The following MIPOL1 variants were observed in gnomAD, a reference collection of about 807,000 sequenced individuals.
MIPOL1 encodes the protein mirror-image polydactyly 1.
Under a neutral mutation model 60.9 loss-of-function variants are expected in MIPOL1, and 57 were observed. The ratio of observed to expected loss-of-function variants is 0.94; its 90% CI spans 0.76 to 1.17. The LOEUF is 1.17. Among genes scored for constraint, MIPOL1 ranks in the 50% most tolerant of loss-of-function variants. The pLI, the probability that MIPOL1 is intolerant of heterozygous loss-of-function variation, is 0.00. For synonymous variants in MIPOL1, 179 were observed against 168.8 expected (o/e 1.06, Z -0.47); for missense variants, 551 against 511.6 (o/e 1.08, Z -0.74).
In MIPOL1 at chr14:37,349,239, C is replaced by G. The variant is rs180860640; in HGVS notation, c.829-20278C>G. On this transcript the variant is annotated intron_variant, in intron 9 of 12. Coordinates refer to ENST00000684589, the MANE Select transcript of MIPOL1 (RefSeq NM_001388067.1). ...CTGACCTCAGGTGATCCACCCACCTCGGCCTCCCAAAGTGCTGAGATAACG... is the reference window on the plus strand; with the variant it reads ...CTGACCTCAGGTGATCCACCCACCTGGGCCTCCCAAAGTGCTGAGATAACG... 5.8e-3 allele frequency among the ~76,000 whole-genome samples: 889 copies of G among 152,140 alleles called. 12 individuals are homozygous for G. Among genetic ancestry groups the G allele is most frequent in the African/African-American group, 0.02 (822 of 41,506 alleles).
chr14:37,243,519 CAG>C (rs1353761404), intron 1 of MIPOL1, among the ~76,000 whole-genome samples: 1 of 151,822 alleles, frequency 6.6e-6, no homozygotes, highest in Non-Finnish European at 1.5e-5. Context: ...ATACAAAATT[CAG>C]AGTTTTTCTA....
intron 6 of MIPOL1, among the ~76,000 whole-genome samples, chr14:37,283,141 C>T (rs2153407713): frequency 6.6e-6 from 1 of 152,218 alleles, no homozygotes; most frequent in East Asian, 1.9e-4. Context: ...TCTCTACTCA[C>T]TGCAACCTCC....
chr14:37,351,247 T>G (rs1312730982), intron 9 of MIPOL1, among the ~76,000 whole-genome samples: 1 of 147,782 alleles, frequency 6.8e-6, no homozygotes, highest in Middle Eastern at 3.2e-3. Flanking sequence ...CTCATTCTTT[T>G]TTATGGCTGC....
chr14:37,474,562 G>T (rs532787020), intron 11 of MIPOL1, among the ~76,000 whole-genome samples: 6 of 152,294 alleles, frequency 3.9e-5, no homozygotes, highest in Non-Finnish European at 7.4e-5. Context: ...CCATGATTAT[G>T]AGGTCTCCCT....
At chr14:37,361,680 A>G (rs570164520) in intron 9 of MIPOL1, among the ~76,000 whole-genome samples, 2 of 124,578 alleles carry the variant, frequency 1.6e-5, no homozygotes, top group East Asian at 4.8e-4. Context: ...ATTTCGGCCC[A>G]ATGCAAGCTC....
chr14:37,339,199 C>A (rs563027999), intron 9 of MIPOL1, among the ~76,000 whole-genome samples: 7 of 152,254 alleles, frequency 4.6e-5, no homozygotes, highest in African/African-American at 1.7e-4. Flanking sequence ...CATCCAATGA[C>A]AACCTGAAAA....
At chr14:37,411,439 C>T (rs536198748) in intron 10 of MIPOL1, among the ~76,000 whole-genome samples, 5 of 152,200 alleles carry the variant, frequency 3.3e-5, no homozygotes, top group Admixed American at 6.5e-5. Context: ...ACAGGACAAG[C>T]GTATTGAAAA....
downstream of MIPOL1, chr14:37,551,543 TAGAA>T (rs1466189351): frequency 7.9e-5 from 12 of 152,078 alleles, no homozygotes; most frequent in Non-Finnish European, 8.8e-5. Context: ...TGAATATGGT[TAGAA>T]AGAACATAAG....
At chr14:37,423,608 T>C (rs1393276336) in intron 11 of MIPOL1, 2 of 151,980 alleles carry the variant, frequency 1.3e-5, no homozygotes, top group Non-Finnish European at 2.9e-5. Flanking sequence ...GTAGAAAACA[T>C]TGAAAAAACA....
intron 12 of MIPOL1, chr14:37,545,847 A>G: frequency 2.4e-6 from 1 of 418,920 alleles, no homozygotes; most frequent in Non-Finnish European, 4.3e-6. Context: ...GAGGACCCTC[A>G]TGCATGGATC....
At chr14:37,300,173 G>A (rs1402224332) in intron 7 of MIPOL1, among the ~76,000 whole-genome samples, 1 of 150,662 alleles carries the variant, frequency 6.6e-6, no homozygotes, top group Non-Finnish European at 1.5e-5. Context: ...CCATTCCTTT[G>A]TTCATACTCT....
chr14:37,460,140 A>C (rs1263963207), intron 11 of MIPOL1, among the ~76,000 whole-genome samples: 1 of 151,922 alleles, frequency 6.6e-6, no homozygotes, highest in African/African-American at 2.4e-5. Context: ...AGCAAATCCA[A>C]TAGCACATCA....
intron 1 of MIPOL1, among the ~76,000 whole-genome samples, chr14:37,227,995 G>A (rs1970013458): frequency 1.3e-5 from 2 of 152,148 alleles, no homozygotes; most frequent in Non-Finnish European, 2.9e-5. Flanking sequence ...ATTTGGAAAG[G>A]GATAGAGTAG....
At chr14:37,442,852 A>G (rs1228854066) in intron 11 of MIPOL1, among the ~76,000 whole-genome samples, 5 of 152,122 alleles carry the variant, frequency 3.3e-5, no homozygotes, top group Non-Finnish European at 5.9e-5. Context: ...AAATAAATGG[A>G]AAAACATCTG....
At chr14:37,462,658 C>T (rs1257222859) in intron 11 of MIPOL1, among the ~76,000 whole-genome samples, 1 of 152,152 alleles carries the variant, frequency 6.6e-6, no homozygotes, top group Non-Finnish European at 1.5e-5. Context: ...AAATTTCTTC[C>T]ACCAGATACC....
At chr14:37,495,134 TA>T (rs1396986141) in intron 11 of MIPOL1, among the ~76,000 whole-genome samples, 96 of 150,088 alleles carry the variant, frequency 6.4e-4, no homozygotes, top group Middle Eastern at 3.4e-3. Flanking sequence ...TTTTTTTTAA[TA>T]TTTTTTTTAT....
Position 37,550,196 on chromosome 14 carries a change from T to A in MIPOL1, c.*3225T>A, listed in dbSNP as rs1037858664. On this transcript the variant is annotated 3_prime_UTR_variant, in exon 13 of 13. Coordinates refer to ENST00000684589, the MANE Select transcript of MIPOL1 (RefSeq NM_001388067.1). Reference sequence around the variant, plus strand: ...TTCAGTCATCTTCTTATCAGGTTGCTTATTTATATAATTTGTTTATTTTAT... The same window carrying A: ...TTCAGTCATCTTCTTATCAGGTTGCATATTTATATAATTTGTTTATTTTAT... The A allele has an allele frequency of 6.6e-6, 1 of 151,176 alleles. No homozygotes were observed. Among genetic ancestry groups the A allele is most frequent in the Admixed American group, 6.6e-5 (1 of 15,164 alleles). The allele number at this position is 151,176 out of a possible 1,614,324, so 9.4% of individuals were successfully genotyped here.
At chr14:37,363,848 C>T (rs12896270) in intron 9 of MIPOL1, among the ~76,000 whole-genome samples, 33,255 of 152,164 alleles carry the variant, frequency 0.22, 4,118 homozygotes, top group South Asian at 0.35. Context: ...TGGCGGATAC[C>T]CCTCCCCCAG....
intron 9 of MIPOL1, among the ~76,000 whole-genome samples, chr14:37,315,142 A>G: frequency 6.6e-6 from 1 of 152,148 alleles, no homozygotes; most frequent in East Asian, 1.9e-4. Context: ...ATTTTTCAAG[A>G]TGAATTGTTG....
Sources: gnomAD v4.1 joint callset for allele counts (sites outside exome capture counted in the v4.1 genomes callset) on GRCh38, gnomAD v4.1.1 for gene constraint, MANE v1.5 for transcripts, NCBI Gene and HGNC (gene_info 2026-07-23, HGNC 2026-07-21) for gene names.